Variants in FMNL3 observed in about 807,000 individuals in gnomAD.
FMNL3 encodes formin-like protein 3.
FMNL3 carries 57 observed loss-of-function variants against 119.6 expected under a neutral mutation model. The observed-to-expected ratio is 0.48, with a 90% confidence interval of 0.39 to 0.59. FMNL3 has a LOEUF of 0.59. Ranked by LOEUF, FMNL3 falls within the 20% of genes least tolerant of loss-of-function variation. FMNL3 has a pLI of 0.00. For synonymous variants in FMNL3, 491 were observed against 507.3 expected, an observed-to-expected ratio of 0.97 and a Z score of 0.43; for missense variants, 1,053 against 1,323.5, an observed-to-expected ratio of 0.80 and a Z score of 3.17.
At position 49,651,923 on chromosome 12, in the gene FMNL3, T is replaced by C; in HGVS notation, c.1603+10A>G. 6.4e-7 allele frequency: 1 copy of C among 1,572,836 alleles called. No individual in the cohort carries two copies. Among genetic ancestry groups the C allele is most frequent in the East Asian group, 2.3e-5 (1 of 43,932 alleles). On this transcript the variant is annotated intron_variant, in intron 14 of 25. Transcript: ENST00000335154. ...TGCCCCTGTTGGCTCCCAGGGGTCG[T>C]CGTGGTTACCTGGTAATGGGGGAGG...
intron 1 of FMNL3, among the ~76,000 whole-genome samples, chr12:49,696,338 A>C (rs1445871385): frequency 6.6e-6 from 1 of 152,140 alleles, no homozygotes; most frequent in Non-Finnish European, 1.5e-5. Context: ...GAGCATACTC[A>C]AACTCCACAG....
In FMNL3 at chr12:49,707,196, TCAGGGGCCTCGGCCCCCC is replaced by T. The variant is rs750320633; in HGVS notation, c.-34_-17del. 5 of 1,509,410 alleles carry T rather than the reference TCAGGGGCCTCGGCCCCCC, an allele frequency of 3.3e-6. No homozygotes were observed. The highest frequency in any genetic ancestry group is 1.3e-5 in the South Asian group (1 of 76,946). 93.5% of individuals were successfully genotyped at this position (1,509,410 alleles called of 1,614,324 possible). ...GGTTGCCCATCGCGGCGGGGCCCCC[TCAGGGGCCTCGGCCCCCC>T]ACCTCCACGCTCCGGAGCTTTCGGC... On this transcript the variant is annotated 5_prime_UTR_variant, in exon 1 of 26. Coordinates refer to ENST00000335154, the MANE Select transcript of FMNL3 (RefSeq NM_175736.5).
chr12:49,687,095 C>A (rs11834380), intron 1 of FMNL3, among the ~76,000 whole-genome samples: 5,896 of 110,076 alleles, frequency 0.054, 303 homozygotes, highest in African/African-American at 0.23. Flanking sequence ...CTTCCCCATT[C>A]CTTTTTTTTT....
intron 1 of FMNL3, among the ~76,000 whole-genome samples, chr12:49,694,267 G>C (rs1307993236): frequency 6.6e-6 from 1 of 152,126 alleles, no homozygotes; most frequent in Non-Finnish European, 1.5e-5. Context: ...AGTGGGTATG[G>C]AGAAAGGACA....
rs1942634240 is a variant in FMNL3 at position 49,641,439 on chromosome 12, A to G, written c.*4376T>C. On this transcript the variant is annotated 3_prime_UTR_variant, in exon 26 of 26. Transcript: ENST00000335154. Reference sequence around the variant, plus strand: ...GTGTAAAATTAGGATACTAGGACCTATTCTTAAATGTAGAACCAAGAGGAT... The same window carrying G: ...GTGTAAAATTAGGATACTAGGACCTGTTCTTAAATGTAGAACCAAGAGGAT... 6.4e-6 allele frequency: 1 copy of G among 156,304 alleles called. No homozygotes were observed. The highest frequency in any genetic ancestry group is 2.4e-5 in the African/African-American group (1 of 41,512). 9.7% of individuals were successfully genotyped at this position (156,304 alleles called of 1,614,324 possible). A position where few individuals can be genotyped will look rare whatever the true frequency, so the allele number is the denominator to read the frequency against.
rs546422539 is a variant in FMNL3 at position 49,675,900 on chromosome 12, C to G, written c.127-7346G>C. On this transcript the variant is annotated intron_variant, in intron 1 of 25. Transcript: ENST00000335154. ...TCTCTCCAGGCTGGCCCCAGCTTCT[C>G]TGACCAGCCTCATCCTCTCCCACTC... Among the ~76,000 whole-genome samples the G allele has an allele frequency of 3.9e-5, 6 of 152,290 alleles. No homozygotes were observed. The South Asian group carries it at 1.2e-3, about 32-fold the overall frequency.
In FMNL3 at chr12:49,658,523, A is replaced by AT; in HGVS notation, c.523dup (p.Ile175AsnfsTer30). The stretch of plus-strand genomic sequence containing the variant: ...GGCGCTGGGTGGCTGCAGGTCCTCG[A>AT]TTGACCTGCTCCAGGACCGGAGTTT... On this transcript the variant is annotated frameshift_variant, in exon 6 of 26. Coordinates refer to ENST00000335154, the MANE Select transcript of FMNL3 (RefSeq NM_175736.5). LOFTEE classifies it high-confidence loss of function. 6.2e-7 allele frequency: 1 copy of AT among 1,613,702 alleles called. No individual in the cohort carries two copies. Among genetic ancestry groups the AT allele is most frequent in the South Asian group, 1.1e-5 (1 of 91,046 alleles).
chr12:49,704,681 A>T (rs1255799398), intron 1 of FMNL3, among the ~76,000 whole-genome samples: 1 of 144,330 alleles, frequency 6.9e-6, no homozygotes, highest in African/African-American at 2.6e-5. Flanking sequence ...GCCGCACTCC[A>T]GCCTGGATGA....
intron 1 of FMNL3, among the ~76,000 whole-genome samples, chr12:49,689,073 ACACTACTG>A (rs762034840): frequency 5.3e-5 from 8 of 152,130 alleles, no homozygotes; most frequent in African/African-American, 7.2e-5. Flanking sequence ...AGCTATGATC[ACACTACTG>A]CACTCCAGCC....
intron 1 of FMNL3, among the ~76,000 whole-genome samples, chr12:49,688,181 G>A (rs962613441): frequency 6.6e-6 from 1 of 152,216 alleles, no homozygotes; most frequent in Non-Finnish European, 1.5e-5. Context: ...TGGCCTGAGA[G>A]GGGGTACAGG....
chr12:49,646,808 G>A (rs1042049182), intron 25 of FMNL3, 78 bp downstream of exon 25: 3 of 1,605,740 alleles, frequency 1.9e-6, no homozygotes, highest in African/African-American at 2.7e-5. Context: ...TGGGGTGGGA[G>A]GAGAGCCCAA....
chr12:49,693,782 GGGATTACA>G (rs1485160678), intron 1 of FMNL3, among the ~76,000 whole-genome samples: 1 of 150,602 alleles, frequency 6.6e-6, no homozygotes, highest in Non-Finnish European at 1.5e-5. Context: ...CTGACTAGCT[GGGATTACA>G]GGCACGCACC....
In FMNL3 at chr12:49,643,205, A is replaced by G; in HGVS notation, c.*2610T>C. 6.2e-7 allele frequency: 1 copy of G among 1,613,624 alleles called. No homozygotes were observed. Among genetic ancestry groups the G allele is most frequent in the Middle Eastern group, 1.7e-4 (1 of 5,976 alleles). On this transcript the variant is annotated 3_prime_UTR_variant, in exon 26 of 26. Coordinates refer to ENST00000335154, the MANE Select transcript of FMNL3 (RefSeq NM_175736.5). The stretch of plus-strand genomic sequence containing the variant: ...GCAGAGAACCTCTGCACTGACATGT[A>G]TCTGCTGATCTGCCCAGGGCTCTGA...
intron 1 of FMNL3, among the ~76,000 whole-genome samples, chr12:49,694,796 C>G (rs1944708272): frequency 6.6e-6 from 1 of 151,922 alleles, no homozygotes; most frequent in Admixed American, 6.6e-5. Context: ...CCTGTAATCC[C>G]AGCTACTCAG....
chr12:49,650,258 T>C (rs1260902282), intron 17 of FMNL3, among the ~76,000 whole-genome samples: 1 of 152,184 alleles, frequency 6.6e-6, no homozygotes, highest in Non-Finnish European at 1.5e-5. Flanking sequence ...CCAGATTCAA[T>C]TTTTAGTACC....
chr12:49,637,968 G>A lies in FMNL3; in HGVS notation c.*7847C>T, dbSNP rs982759070. 18 of 648,884 alleles carry A rather than the reference G, an allele frequency of 2.8e-5. No individual in the cohort carries two copies. Among genetic ancestry groups the A allele is most frequent in the African/African-American group, 2.7e-4 (15 of 55,206 alleles). 40.2% of individuals were successfully genotyped at this position (648,884 alleles called of 1,614,324 possible). ...ACTGTGATCCTTTACTGCACACTAG[G>A]GATACAGTAATGAATACACAATTTC... On this transcript the variant is annotated 3_prime_UTR_variant, in exon 26 of 26. Coordinates refer to ENST00000335154, the MANE Select transcript of FMNL3 (RefSeq NM_175736.5).
chr12:49,656,553 A>C (rs1943576266), intron 8 of FMNL3, 56 bp from the exon 9 acceptor site: 8 of 1,485,252 alleles, frequency 5.4e-6, no homozygotes, highest in East Asian at 2.3e-5. Context: ...ACAACCACAC[A>C]GCTCATTTCC....
chr12:49,643,934 A>T lies in FMNL3; in HGVS notation c.*1881T>A. The T allele has an allele frequency of 6.2e-7, 1 of 1,614,246 alleles. No homozygotes were observed. Among genetic ancestry groups the T allele is most frequent in the Non-Finnish European group, 8.5e-7 (1 of 1,180,048 alleles). On this transcript the variant is annotated 3_prime_UTR_variant, in exon 26 of 26. Transcript: ENST00000335154. ...AGCGATGAGAAAGAACAAGAACAGGACAAGGACAGGGAGCTCCAACAGGCA... is the reference window on the plus strand; with the variant it reads ...AGCGATGAGAAAGAACAAGAACAGGTCAAGGACAGGGAGCTCCAACAGGCA...
intron 5 of FMNL3, among the ~76,000 whole-genome samples, chr12:49,660,844 C>G (rs576606325): frequency 6.6e-6 from 1 of 152,336 alleles, no homozygotes; most frequent in African/African-American, 2.4e-5. Context: ...ACCTGTGGTC[C>G]CAGCTACTCA....
Sources: allele counts gnomAD v4.1 joint callset (sites outside exome capture counted in the v4.1 genomes callset), GRCh38; gene constraint gnomAD v4.1.1; transcripts MANE v1.5; gene names NCBI Gene and HGNC (gene_info 2026-07-23, HGNC 2026-07-21).